Variants in FRMD5 observed in about 807,000 individuals in gnomAD.
The protein encoded by FRMD5 is FERM domain-containing protein 5.
A neutral mutation model predicts 69.0 loss-of-function variants in FRMD5; 20 were observed. The observed-to-expected ratio is 0.29, with a 90% CI of 0.20 to 0.42. The LOEUF (loss-of-function observed/expected upper bound fraction) is 0.42, where lower values mean the gene tolerates loss of function less well. Ranked by LOEUF, FRMD5 falls within the 10% of genes least tolerant of loss-of-function variation. The probability of loss-of-function intolerance (pLI) is 1.00; values close to 1 mark genes in which losing one functional copy is unlikely to be tolerated. For missense variants in FRMD5, 595 were observed against 708.6 expected (o/e 0.84, Z 1.82); for synonymous variants, 271 against 260.1 (o/e 1.04, Z -0.40).
intron 1 of FRMD5, among the ~76,000 whole-genome samples, chr15:43,962,894 G>C (rs375641464): frequency 2.0e-5 from 3 of 152,114 alleles, no homozygotes; most frequent in Non-Finnish European, 2.9e-5. Context: ...ACACCTTATA[G>C]AAAAATTAAT....
At chr15:44,087,876 A>G (rs192840283) in intron 1 of FRMD5, among the ~76,000 whole-genome samples, 13 of 152,286 alleles carry the variant, frequency 8.5e-5, no homozygotes, top group Admixed American at 5.9e-4. Context: ...GGGAATGCAA[A>G]TAAAATCAAA....
intron 1 of FRMD5, among the ~76,000 whole-genome samples, chr15:44,136,198 T>C (rs2077182559): frequency 8.6e-6 from 1 of 116,830 alleles, no homozygotes; most frequent in Admixed American, 1.1e-4. Context: ...TTGTTTTGTT[T>C]TGTTTGGTAG....
chr15:44,040,389 G>A (rs1195417663), intron 1 of FRMD5, among the ~76,000 whole-genome samples: 1 of 151,994 alleles, frequency 6.6e-6, no homozygotes, highest in African/African-American at 2.4e-5. Flanking sequence ...TGAAATGAAG[G>A]AAAAAATGTT....
At chr15:43,878,927 C>CT (rs1567205006) in intron 13 of FRMD5, among the ~76,000 whole-genome samples, 6 of 132,612 alleles carry the variant, frequency 4.5e-5, no homozygotes, top group East Asian at 4.5e-4. Context: ...TTTTTTTTTT[C>CT]TTTTCTTTTT....
chr15:44,040,958 G>A (rs549904920), intron 1 of FRMD5, among the ~76,000 whole-genome samples: 2 of 120,748 alleles, frequency 1.7e-5, no homozygotes, highest in African/African-American at 6.3e-5. Context: ...TCAAAATAAA[G>A]GGATGGAGGA....
intron 1 of FRMD5, among the ~76,000 whole-genome samples, chr15:43,971,380 T>C (rs2090374798): frequency 2.0e-5 from 3 of 152,128 alleles, no homozygotes; most frequent in African/African-American, 4.8e-5. Context: ...AGAGAGTACA[T>C]CTGCTACTAT....
chr15:44,043,014 T>C (rs1042968198), intron 1 of FRMD5, among the ~76,000 whole-genome samples: 2 of 152,152 alleles, frequency 1.3e-5, no homozygotes, highest in Non-Finnish European at 2.9e-5. Flanking sequence ...GACATGATTG[T>C]ATATTTAGAA....
At chr15:44,126,755 C>G (rs1009131610) in intron 1 of FRMD5, among the ~76,000 whole-genome samples, 3 of 152,162 alleles carry the variant, frequency 2.0e-5, no homozygotes, top group Non-Finnish European at 4.4e-5. Context: ...GGCTCTCATA[C>G]GTTATGTTCC....
chr15:43,945,915 G>A (rs1467683766), intron 1 of FRMD5, among the ~76,000 whole-genome samples: 1 of 152,098 alleles, frequency 6.6e-6, no homozygotes, highest in East Asian at 1.9e-4. Context: ...AATTAGCTGG[G>A]CATGGTGGCA....
At position 43,874,536 on chromosome 15, in the gene FRMD5, T is replaced by G; in HGVS notation, c.1136-74A>C. On this transcript the variant is annotated intron_variant, in intron 13 of 13. Transcript: ENST00000417257. ...TGCTTTCCAGTAGCACCCATTGTGTTTTATTGGGTACCATTCTGCACACCC... is the reference window on the plus strand; with the variant it reads ...TGCTTTCCAGTAGCACCCATTGTGTGTTATTGGGTACCATTCTGCACACCC... 2.7e-6 allele frequency: 3 copies of G among 1,106,988 alleles called. No homozygotes were observed. The South Asian group carries it at 4.0e-5, about 15-fold the overall frequency. The allele number at this position is 1,106,988 out of a possible 1,614,324, so 68.6% of individuals were successfully genotyped here.
intron 1 of FRMD5, among the ~76,000 whole-genome samples, chr15:44,050,334 G>C (rs905673747): frequency 6.6e-6 from 1 of 152,052 alleles, no homozygotes; most frequent in East Asian, 1.9e-4. Flanking sequence ...TGCTTGAGGA[G>C]TATCTGATAA....
chr15:44,115,269 C>G lies in FRMD5; in HGVS notation c.102+79684G>C, dbSNP rs8028691. ...CTATCTACATGCGTTACATGTAATA[C>G]ATGTAATAAGCCAGTAATAAATTCT... is the stretch of plus-strand genomic sequence containing the variant. On this transcript the variant is annotated intron_variant, in intron 1 of 13. Transcript: ENST00000417257. Among the ~76,000 whole-genome samples, 970 of 152,248 alleles carry G rather than the reference C, an allele frequency of 6.4e-3. 10 individuals carry two copies. Among genetic ancestry groups the G allele is most frequent in the African/African-American group, 0.022 (924 of 41,550 alleles).
intron 1 of FRMD5, among the ~76,000 whole-genome samples, chr15:44,111,130 T>C (rs2076789805): frequency 6.6e-6 from 1 of 152,206 alleles, no homozygotes; most frequent in Admixed American, 6.5e-5. Flanking sequence ...TTATTTTAAC[T>C]CTCATGTATA....
At chr15:43,989,811 C>A in intron 1 of FRMD5, 2 of 1,034,164 alleles carry the variant, frequency 1.9e-6, no homozygotes, top group Non-Finnish European at 3.0e-6. Context: ...CGAAGATCTC[C>A]AACATGATCT....
At chr15:44,142,258 A>T (rs768727318) in intron 1 of FRMD5, among the ~76,000 whole-genome samples, 6 of 152,200 alleles carry the variant, frequency 3.9e-5, no homozygotes, top group Non-Finnish European at 7.3e-5. Flanking sequence ...AAACCCTTAT[A>T]AGACAAGGTA....
intron 1 of FRMD5, among the ~76,000 whole-genome samples, chr15:44,023,070 G>A (rs1200170656): frequency 6.6e-6 from 1 of 152,096 alleles, no homozygotes; most frequent in Non-Finnish European, 1.5e-5. Context: ...TTATCTGTTA[G>A]ATATGTATTT....
chr15:44,048,967 G>C (rs1892545332), intron 1 of FRMD5, among the ~76,000 whole-genome samples: 1 of 152,168 alleles, frequency 6.6e-6, no homozygotes, highest in African/African-American at 2.4e-5. Context: ...TTGGCGGAAA[G>C]GCAGCATGCA....
At chr15:43,989,858 G>A in intron 1 of FRMD5, 1 of 1,025,482 alleles carries the variant, frequency 9.8e-7, no homozygotes, top group Non-Finnish European at 1.5e-6. Flanking sequence ...GGGCTCAGGG[G>A]GACCTTGGTC....
chr15:43,947,949 C>A (rs1350422635), intron 1 of FRMD5, among the ~76,000 whole-genome samples: 2 of 150,760 alleles, frequency 1.3e-5, no homozygotes, highest in African/African-American at 2.4e-5. Flanking sequence ...AGGTGTAGAT[C>A]CTGAATAAGA....
Sources: allele counts gnomAD v4.1 joint callset (sites outside exome capture counted in the v4.1 genomes callset), GRCh38; gene constraint gnomAD v4.1.1; transcripts MANE v1.5; gene names NCBI Gene and HGNC (gene_info 2026-07-23, HGNC 2026-07-21).